Variants in UVRAG observed in about 807,000 individuals in gnomAD.
UVRAG encodes UV radiation resistance associated.
Under a neutral mutation model 78.0 loss-of-function variants are expected in UVRAG, and 19 were observed. That is an observed-to-expected ratio of 0.24 (90% confidence interval 0.17 to 0.36). The LOEUF is 0.36. Ranked by LOEUF, UVRAG falls within the 10% of genes least tolerant of loss-of-function variation. UVRAG has a pLI of 1.00. For synonymous variants in UVRAG, 323 were observed against 324.6 expected (o/e 1.00, Z 0.05); for missense variants, 740 against 853.8 (o/e 0.87, Z 1.66).
At chr11:75,846,075 G>A (rs1416699604) in intron 1 of UVRAG, among the ~76,000 whole-genome samples, 1 of 152,172 alleles carries the variant, frequency 6.6e-6, no homozygotes, top group East Asian at 1.9e-4. Context: ...TTAAATATCT[G>A]TAGCTGGACC....
intron 12 of UVRAG, among the ~76,000 whole-genome samples, chr11:76,037,873 G>A (rs1418145495): frequency 6.6e-6 from 1 of 152,142 alleles, no homozygotes; most frequent in Non-Finnish European, 1.5e-5. Context: ...TTCCCCTTCA[G>A]TGTGGGCAAG....
chr11:75,938,663 A>G (rs972244688), intron 6 of UVRAG, among the ~76,000 whole-genome samples: 34 of 152,156 alleles, frequency 2.2e-4, no homozygotes, highest in Non-Finnish European at 4.4e-5. Context: ...TGTCAGGAAT[A>G]GGCCCTGTTC....
chr11:76,117,880 T>TTAAC (rs1394942406), intron 14 of UVRAG, among the ~76,000 whole-genome samples: 4 of 152,242 alleles, frequency 2.6e-5, no homozygotes, highest in African/African-American at 9.6e-5. Context: ...TAAAGCCATG[T>TTAAC]TCCTTCATAG....
At chr11:75,852,045 T>C (rs780070035) in intron 2 of UVRAG, 45 bp downstream of exon 2, 2 of 1,400,782 alleles carry the variant, frequency 1.4e-6, no homozygotes, top group South Asian at 2.5e-5. Context: ...GTTATATTTT[T>C]ATTTTTTTTG....
intron 5 of UVRAG, among the ~76,000 whole-genome samples, chr11:75,898,999 C>G (rs899517301): frequency 6.6e-6 from 1 of 152,090 alleles, no homozygotes; most frequent in East Asian, 1.9e-4. Context: ...TAACAAAGAG[C>G]TGGATATGGT....
intron 12 of UVRAG, among the ~76,000 whole-genome samples, chr11:76,043,766 T>C (rs1035717204): frequency 5.3e-5 from 8 of 152,226 alleles, no homozygotes; most frequent in African/African-American, 1.9e-4. Flanking sequence ...CCTCAAATTA[T>C]GACATACATA....
intron 13 of UVRAG, among the ~76,000 whole-genome samples, chr11:76,082,033 C>A (rs139915455): frequency 6.7e-6 from 1 of 150,104 alleles, no homozygotes; most frequent in African/African-American, 2.5e-5. Flanking sequence ...GAAAACTATA[C>A]AAAAAAACAA....
At chr11:75,968,254 C>A (rs1367962336) in intron 7 of UVRAG, among the ~76,000 whole-genome samples, 1 of 152,144 alleles carries the variant, frequency 6.6e-6, no homozygotes, top group Admixed American at 6.5e-5. Flanking sequence ...ATGTGTGTAT[C>A]TGTGATTTTC....
chr11:75,882,462 G>A (rs1565361645), intron 4 of UVRAG, among the ~76,000 whole-genome samples: 1 of 151,070 alleles, frequency 6.6e-6, no homozygotes, highest in Non-Finnish European at 1.5e-5. Context: ...GTAATGAACC[G>A]AGATGGCGCC....
chr11:75,982,752 C>T (rs1372571878), intron 7 of UVRAG, among the ~76,000 whole-genome samples: 4 of 152,100 alleles, frequency 2.6e-5, no homozygotes, highest in Non-Finnish European at 5.9e-5. Flanking sequence ...TAAATGGAGC[C>T]GTATAGTGTG....
chr11:76,130,935 G>GTTTGTTT (rs1565173721), intron 14 of UVRAG, among the ~76,000 whole-genome samples: 2 of 142,058 alleles, frequency 1.4e-5, no homozygotes, highest in African/African-American at 5.2e-5. Context: ...GGGTTTTTTT[G>GTTTGTTT]TTTTTTTTTT....
chr11:75,991,195 C>T (rs921599091), intron 8 of UVRAG, among the ~76,000 whole-genome samples: 1 of 152,130 alleles, frequency 6.6e-6, no homozygotes, highest in Non-Finnish European at 1.5e-5. Flanking sequence ...AATAAATAGA[C>T]AGTTGTTTTG....
intron 12 of UVRAG, among the ~76,000 whole-genome samples, chr11:76,042,266 A>G (rs777487777): frequency 2.6e-5 from 4 of 152,242 alleles, no homozygotes; most frequent in Non-Finnish European, 5.9e-5. Flanking sequence ...AATAGCTTTC[A>G]GAAAACACTA....
At chr11:75,964,682 C>T (rs985137589) in intron 7 of UVRAG, among the ~76,000 whole-genome samples, 6 of 152,184 alleles carry the variant, frequency 3.9e-5, no homozygotes, top group African/African-American at 7.2e-5. Context: ...GCAGGTGGAT[C>T]ACGAGGTCAG....
chr11:76,041,386 G>T (rs1950646675), intron 12 of UVRAG, among the ~76,000 whole-genome samples: 1 of 152,204 alleles, frequency 6.6e-6, no homozygotes, highest in Admixed American at 6.5e-5. Flanking sequence ...TGGAACCCCA[G>T]AGGAGAGCAG....
intron 1 of UVRAG, among the ~76,000 whole-genome samples, chr11:75,824,669 ATT>A (rs1217028567): frequency 0.023 from 2,692 of 118,456 alleles, 39 homozygotes; most frequent in African/African-American, 0.081. Flanking sequence ...GAAGTTTGTC[ATT>A]TTTTTTTTTT....
At chr11:75,971,620 A>G (rs913108289) in intron 7 of UVRAG, among the ~76,000 whole-genome samples, 7 of 152,000 alleles carry the variant, frequency 4.6e-5, no homozygotes, top group Non-Finnish European at 1.0e-4. Context: ...TATGCTTGCC[A>G]TCTATATATC....
At position 76,140,986 on chromosome 11, in the gene UVRAG, C is replaced by T; in HGVS notation, c.1673C>T (p.Ser558Phe). ...SSSLDTSLDFSKENKKKGEDL... is the reference protein window; with the variant it reads ...SSSLDTSLDFFKENKKKGEDL... ...TCCTTGGATACCTCCTTGGACTTCT[C>T]CAAAGAAAACAAGAAAAAAGGAGAG... is the stretch of plus-strand genomic sequence containing the variant. The change falls in exon 15 of 15, where the codon TCC (serine) becomes TTC (phenylalanine). Residue 558 changes from serine to phenylalanine, a missense_variant. Coordinates refer to ENST00000356136, the MANE Select transcript of UVRAG (RefSeq NM_003369.4). The T allele has an allele frequency of 6.2e-7, 1 of 1,614,064 alleles. No homozygotes were observed. The highest frequency in any genetic ancestry group is 8.5e-7 in the Non-Finnish European group (1 of 1,180,012).
intron 3 of UVRAG, among the ~76,000 whole-genome samples, chr11:75,879,592 C>A (rs1232247801): frequency 1.3e-5 from 2 of 152,156 alleles, no homozygotes; most frequent in Non-Finnish European, 2.9e-5. Flanking sequence ...TTAATAATCA[C>A]GTATTAAGTG....
Sources: allele counts gnomAD v4.1 joint callset (sites outside exome capture counted in the v4.1 genomes callset), GRCh38; gene constraint gnomAD v4.1.1; transcripts MANE v1.5; gene names NCBI Gene and HGNC (gene_info 2026-07-23, HGNC 2026-07-21).